CDH13: variants seen among roughly 807,000 people sequenced by gnomAD.
The protein encoded by CDH13 is cadherin 13.
A neutral mutation model predicts 63.8 loss-of-function variants in CDH13; 24 were observed. The ratio of observed to expected loss-of-function variants is 0.38; its 90% CI spans 0.27 to 0.53. CDH13 has a LOEUF of 0.53. CDH13 is among the 20% of genes least tolerant of loss of function. The pLI is 0.85. For missense variants in CDH13, 1,049 were observed against 903.1 expected (o/e 1.16, Z -2.07); for synonymous variants, 503 against 355.3 (o/e 1.42, Z -4.67).
intron 1 of CDH13, among the ~76,000 whole-genome samples, chr16:82,768,768 GT>G (rs1288386523): frequency 6.6e-6 from 1 of 152,162 alleles, no homozygotes; most frequent in Non-Finnish European, 1.5e-5. Context: ...CTGACCTCTT[GT>G]TTCTTTGCTG....
At chr16:83,699,838 A>G (rs751288057) in intron 10 of CDH13, among the ~76,000 whole-genome samples, 7 of 152,170 alleles carry the variant, frequency 4.6e-5, no homozygotes, top group Non-Finnish European at 8.8e-5. Flanking sequence ...CACAAGGCAC[A>G]TCATCCCAGC....
chr16:82,678,337 C>T lies in CDH13; in HGVS notation c.45+51200C>T, dbSNP rs112927637. 3.3e-4 allele frequency among the ~76,000 whole-genome samples: 37 copies of T among 110,688 alleles called. 1 individual carries two copies. The highest frequency in any genetic ancestry group is 1.2e-3 in the African/African-American group (31 of 26,806). 72.6% of individuals were successfully genotyped at this position (110,688 alleles called of 152,430 possible). A position where few individuals can be genotyped will look rare whatever the true frequency, so the allele number is the denominator to read the frequency against. Reference sequence around the variant, plus strand: ...GAAAAAACTTTTTTTTTTTTTTTAGCTCTGAAAGCTCAATTTTTACTACAT... The same window carrying T: ...GAAAAAACTTTTTTTTTTTTTTTAGTTCTGAAAGCTCAATTTTTACTACAT... On this transcript the variant is annotated intron_variant, in intron 1 of 13. Transcript: ENST00000567109.
At chr16:83,225,078 C>A (rs541520063) in intron 5 of CDH13, among the ~76,000 whole-genome samples, 54 of 152,244 alleles carry the variant, frequency 3.5e-4, no homozygotes, top group Non-Finnish European at 5.7e-4. Flanking sequence ...AGGTGCTTTC[C>A]CAGGCCTGCT....
intron 1 of CDH13, among the ~76,000 whole-genome samples, chr16:82,771,512 C>T (rs1254812387): frequency 6.6e-6 from 1 of 152,178 alleles, no homozygotes; most frequent in Non-Finnish European, 1.5e-5. Flanking sequence ...CACACCTGTG[C>T]ACTCAACGAC....
intron 7 of CDH13, among the ~76,000 whole-genome samples, chr16:83,577,921 A>T (rs185886016): frequency 6.6e-6 from 1 of 152,222 alleles, no homozygotes; most frequent in Non-Finnish European, 1.5e-5. Flanking sequence ...CTCCTGCTCT[A>T]TTTATATATT....
At chr16:82,744,504 C>G (rs1260573185) in intron 1 of CDH13, among the ~76,000 whole-genome samples, 1 of 152,072 alleles carries the variant, frequency 6.6e-6, no homozygotes, top group Non-Finnish European at 1.5e-5. Flanking sequence ...ATCTATACGT[C>G]TTACTTCTCT....
At position 82,858,414 on chromosome 16, in the gene CDH13, A is replaced by G. The variant is rs769355166; in HGVS notation, c.98A>G (p.Gln33Arg). ...EDLDCTPGFQ[Q>R]KVFHINQPAE... The stretch of plus-strand genomic sequence containing the variant: ...TTGGACTGCACTCCTGGATTTCAGC[A>G]GAAAGTGTTCCATATCAATCAGCCA... Residue 33 changes from glutamine (Q) to arginine (R), a missense_variant, in exon 2 of 14, where the codon CAG becomes CGG. Coordinates refer to ENST00000567109, the MANE Select transcript of CDH13 (RefSeq NM_001257.5). 1.2e-6 allele frequency: 2 copies of G among 1,613,816 alleles called. No homozygotes were observed. The highest frequency in any genetic ancestry group is 1.6e-4 in the Middle Eastern group (1 of 6,084).
chr16:82,908,162 G>A (rs1427301146), intron 2 of CDH13, among the ~76,000 whole-genome samples: 1 of 152,106 alleles, frequency 6.6e-6, no homozygotes, highest in African/African-American at 2.4e-5. Context: ...GGTATGTTTT[G>A]AAATAAGAAA....
At chr16:82,964,366 A>G (rs1907500344) in intron 2 of CDH13, among the ~76,000 whole-genome samples, 1 of 152,186 alleles carries the variant, frequency 6.6e-6, no homozygotes, top group African/African-American at 2.4e-5. Flanking sequence ...TCAAAACACC[A>G]CCAATGTACT....
At chr16:82,778,813 C>G (rs1027913395) in intron 1 of CDH13, among the ~76,000 whole-genome samples, 6 of 152,126 alleles carry the variant, frequency 3.9e-5, no homozygotes, top group African/African-American at 1.4e-4. Context: ...TGGCAAAGAC[C>G]ACCACCTCCT....
At position 82,842,147 on chromosome 16, in the gene CDH13, T is replaced by TATATATATATAC. The variant is rs1567590557; in HGVS notation, c.46-16204_46-16203insCATATATATATA. 5.3e-3 allele frequency among the ~76,000 whole-genome samples: 114 copies of TATATATATATAC among 21,376 alleles called. 4 individuals are homozygous for TATATATATATAC. Among genetic ancestry groups the TATATATATATAC allele is most frequent in the Non-Finnish European group, 8.8e-3 (77 of 8,766 alleles). 14.0% of individuals were successfully genotyped at this position (21,376 alleles called of 152,430 possible). A position where few individuals can be genotyped will look rare whatever the true frequency, so the allele number is the denominator to read the frequency against. ...ATATATATATATATATACACATATA[T>TATATATATATAC]ATATATATATATATATACACACACA... On this transcript the variant is annotated intron_variant, in intron 1 of 13. Transcript: ENST00000567109.
At chr16:82,925,395 A>G (rs1056966108) in intron 2 of CDH13, among the ~76,000 whole-genome samples, 6 of 152,206 alleles carry the variant, frequency 3.9e-5, no homozygotes, top group African/African-American at 1.4e-4. Context: ...AAAGCTGGTA[A>G]TCAGCCATGG....
chr16:83,000,910 G>A (rs904953138), intron 2 of CDH13, among the ~76,000 whole-genome samples: 5 of 152,154 alleles, frequency 3.3e-5, no homozygotes, highest in African/African-American at 1.2e-4. Context: ...CATGACTTGA[G>A]GGACAGCTTA....
At chr16:82,634,859 C>A (rs1432624325) in intron 1 of CDH13, among the ~76,000 whole-genome samples, 1 of 152,132 alleles carries the variant, frequency 6.6e-6, no homozygotes, top group Admixed American at 6.5e-5. Flanking sequence ...TCACCTGAGA[C>A]CAAATGGTTC....
At chr16:83,561,715 G>C (rs1343672083) in intron 7 of CDH13, among the ~76,000 whole-genome samples, 1 of 152,154 alleles carries the variant, frequency 6.6e-6, no homozygotes, top group African/African-American at 2.4e-5. Flanking sequence ...AATTTTGAGA[G>C]ATAATGTACC....
intron 3 of CDH13, among the ~76,000 whole-genome samples, chr16:83,088,393 T>G (rs9922802): frequency 0.028 from 4,330 of 152,276 alleles, 210 homozygotes; most frequent in African/African-American, 0.098. Context: ...GGACGCAATT[T>G]GCAATCCCCT....
rs1338699846 is a variant in CDH13 at position 83,486,667 on chromosome 16, A to G, written c.960+12A>G. The G allele has an allele frequency of 1.2e-5, 20 of 1,611,528 alleles. No individual in the cohort carries two copies. The highest frequency in any genetic ancestry group is 1.7e-5 in the Non-Finnish European group (20 of 1,177,842). ...TGCTGGACCGAGAGGTGAGCTGAAA[A>G]GAATACACTTTCTTTTTCACGAGAA... On this transcript the variant is annotated intron_variant, in intron 7 of 13. Transcript: ENST00000567109.
chr16:83,761,622 C>T (rs1913974129), intron 11 of CDH13, among the ~76,000 whole-genome samples: 1 of 152,216 alleles, frequency 6.6e-6, no homozygotes, highest in African/African-American at 2.4e-5. Flanking sequence ...TTGGCTCAAA[C>T]TCCGAGACTG....
At chr16:83,112,816 G>A (rs34959164) in intron 3 of CDH13, among the ~76,000 whole-genome samples, 54,984 of 151,934 alleles carry the variant, frequency 0.36, 10,859 homozygotes, top group Middle Eastern at 0.48. Flanking sequence ...CGTGAGCACC[G>A]TGCAGTTTAT....
Sources: allele counts gnomAD v4.1 joint callset (sites outside exome capture counted in the v4.1 genomes callset), GRCh38; gene constraint gnomAD v4.1.1; transcripts MANE v1.5; gene names NCBI Gene and HGNC (gene_info 2026-07-23, HGNC 2026-07-21).